The following INPP4B variants were observed in gnomAD, a reference collection of about 807,000 sequenced individuals.
INPP4B encodes inositol polyphosphate-4-phosphatase type II B.
A neutral mutation model predicts 122.5 loss-of-function variants in INPP4B; 55 were observed. The ratio of observed to expected loss-of-function variants is 0.45; its 90% CI spans 0.36 to 0.56. The LOEUF is 0.56. INPP4B is among the 20% of genes least tolerant of loss of function. The pLI is 0.00. For missense variants in INPP4B, 1,000 were observed against 1,097.7 expected (o/e 0.91, Z 1.26); for synonymous variants, 403 against 388.7 (o/e 1.04, Z -0.43).
rs747288804 is a variant in INPP4B at position 142,270,717 on chromosome 4, C to T, written c.561G>A (p.Gly187=). 1.2e-6 allele frequency: 2 copies of T among 1,613,936 alleles called. No homozygotes were observed. The highest frequency in any genetic ancestry group is 1.1e-5 in the South Asian group (1 of 91,074). Residue 187 remains glycine, a synonymous_variant, in exon 10 of 26, where the codon GGG becomes GGA. Transcript: ENST00000262992. ...GTIEVSVVKM[G]EIEDGEADHI... ...GGTCGGCTTCCCCATCCTCAATCTC[C>T]CCCATCTTCACGACACTGACTTCTA...
chr4:142,159,452 A>G (rs1818931081), intron 17 of INPP4B, among the ~76,000 whole-genome samples: 1 of 150,784 alleles, frequency 6.6e-6, no homozygotes, highest in South Asian at 2.1e-4. Context: ...GCATCACCTC[A>G]CAGCCTTTCA....
At chr4:142,265,475 G>A (rs1742290948) in intron 10 of INPP4B, among the ~76,000 whole-genome samples, 1 of 152,174 alleles carries the variant, frequency 6.6e-6, no homozygotes, top group South Asian at 2.1e-4. Context: ...TTTAGCAGAT[G>A]TACAAGGGTC....
chr4:142,117,823 T>C (rs1396202208), intron 21 of INPP4B, among the ~76,000 whole-genome samples: 3 of 151,994 alleles, frequency 2.0e-5, no homozygotes, highest in Admixed American at 1.3e-4. Context: ...AAATAAAGGG[T>C]ATTCAATTAG....
intron 10 of INPP4B, among the ~76,000 whole-genome samples, chr4:142,266,538 G>A (rs915476082): frequency 1.3e-5 from 2 of 151,894 alleles, no homozygotes; most frequent in Non-Finnish European, 2.9e-5. Context: ...CAGTTTCCTG[G>A]GTAAGAAAAA....
At chr4:142,728,896 T>C (rs1465488334) in intron 1 of INPP4B, among the ~76,000 whole-genome samples, 3 of 152,174 alleles carry the variant, frequency 2.0e-5, no homozygotes, top group African/African-American at 4.8e-5. Context: ...AACACATGTC[T>C]TCGGCCAACA....
At chr4:142,474,148 T>C (rs1282099382) in intron 2 of INPP4B, 2 of 152,262 alleles carry the variant, frequency 1.3e-5, no homozygotes, top group Non-Finnish European at 2.9e-5. Context: ...CACAGCCTCC[T>C]GTTGTCCTGG....
chr4:142,317,451 G>A (rs548802341), intron 7 of INPP4B: 15 of 300,896 alleles, frequency 5.0e-5, no homozygotes, highest in East Asian at 1.9e-4. Context: ...ATAAACATAC[G>A]AAGGGATATG....
chr4:142,335,966 G>C (rs1206789464), intron 7 of INPP4B, among the ~76,000 whole-genome samples: 1 of 152,136 alleles, frequency 6.6e-6, no homozygotes, highest in Non-Finnish European at 1.5e-5. Context: ...GAACTTCCGT[G>C]GTGTCTCTTA....
chr4:142,841,071 G>A (rs28521209), intron 1 of INPP4B, among the ~76,000 whole-genome samples: 1,808 of 152,074 alleles, frequency 0.012, 38 homozygotes, highest in African/African-American at 0.04. Context: ...TAACTACTGC[G>A]CATCAATTAT....
intron 9 of INPP4B, among the ~76,000 whole-genome samples, chr4:142,294,132 A>T (rs1757560679): frequency 6.6e-6 from 1 of 152,154 alleles, no homozygotes; most frequent in African/African-American, 2.4e-5. Context: ...AAAAGCCCAG[A>T]CTTCACCATT....
At chr4:142,536,636 A>G (rs372735042) in intron 2 of INPP4B, among the ~76,000 whole-genome samples, 1 of 152,212 alleles carries the variant, frequency 6.6e-6, no homozygotes, top group South Asian at 2.1e-4. Flanking sequence ...AACAGTTCCT[A>G]TCAGAACTTA....
intron 9 of INPP4B, among the ~76,000 whole-genome samples, chr4:142,297,091 T>C (rs921573143): frequency 2.0e-5 from 3 of 152,224 alleles, no homozygotes; most frequent in Admixed American, 6.5e-5. Flanking sequence ...GTTACACTTA[T>C]GAATTTCTGT....
At chr4:142,067,725 G>A (rs1328089651) in intron 25 of INPP4B, among the ~76,000 whole-genome samples, 1 of 152,066 alleles carries the variant, frequency 6.6e-6, no homozygotes. Flanking sequence ...GGAAGAAAGG[G>A]TATCAGTGAT....
At chr4:142,816,406 TAA>T (rs1388571307) in intron 1 of INPP4B, among the ~76,000 whole-genome samples, 1 of 152,124 alleles carries the variant, frequency 6.6e-6, no homozygotes. Flanking sequence ...TAGGAAAAGT[TAA>T]GAGTTAGTGT....
At chr4:142,260,925 G>A (rs1739665822) in intron 10 of INPP4B, among the ~76,000 whole-genome samples, 3 of 152,134 alleles carry the variant, frequency 2.0e-5, no homozygotes, top group African/African-American at 7.2e-5. Flanking sequence ...CAGATCAATA[G>A]AAAGCAAATT....
At chr4:142,199,393 G>A (rs904804731) in intron 14 of INPP4B, among the ~76,000 whole-genome samples, 2 of 151,878 alleles carry the variant, frequency 1.3e-5, no homozygotes, top group African/African-American at 2.4e-5. Flanking sequence ...AGGAATATGT[G>A]TGTATGTAAT....
chr4:142,201,341 A>T (rs1258927684), intron 14 of INPP4B, among the ~76,000 whole-genome samples: 1 of 152,126 alleles, frequency 6.6e-6, no homozygotes, highest in Non-Finnish European at 1.5e-5. Flanking sequence ...CTCACATTTA[A>T]AACTGGTCAC....
At chr4:142,545,684 C>T (rs11733604) in intron 2 of INPP4B, among the ~76,000 whole-genome samples, 134,034 of 143,946 alleles carry the variant, frequency 0.93, 63,369 homozygotes, top group East Asian at 1. Flanking sequence ...AGATTTAATA[C>T]ACACATATAT....
chr4:142,465,682 G>A (rs1817627807), intron 2 of INPP4B, among the ~76,000 whole-genome samples: 1 of 152,152 alleles, frequency 6.6e-6, no homozygotes, highest in Non-Finnish European at 1.5e-5. Context: ...ATCTCAGGTT[G>A]AAATGTGATT....
Sources: allele counts gnomAD v4.1 joint callset (sites outside exome capture counted in the v4.1 genomes callset), GRCh38; gene constraint gnomAD v4.1.1; transcripts MANE v1.5; gene names NCBI Gene and HGNC (gene_info 2026-07-23, HGNC 2026-07-21).